CACNG2: variants seen among roughly 807,000 people sequenced by gnomAD.
The protein encoded by CACNG2 is calcium voltage-gated channel auxiliary subunit gamma 2.
Under a neutral mutation model 25.9 loss-of-function variants are expected in CACNG2, and 3 were observed. The observed-to-expected ratio is 0.12, with a 90% CI of 0.05 to 0.30. The LOEUF is 0.30. CACNG2 is among the 10% of genes least tolerant of loss of function. The probability of loss-of-function intolerance (pLI) is 1.00; values close to 1 mark genes in which losing one functional copy is unlikely to be tolerated. For missense variants in CACNG2, 341 were observed against 432.5 expected, an observed-to-expected ratio of 0.79 and a Z score of 1.88; for synonymous variants, 167 against 173.3, an observed-to-expected ratio of 0.96 and a Z score of 0.29.
intron 2 of CACNG2, among the ~76,000 whole-genome samples, chr22:36,581,122 C>T (rs748574727): frequency 3.2e-4 from 48 of 152,318 alleles, no homozygotes; most frequent in Middle Eastern, 6.8e-3. Flanking sequence ...ATGGAGGCTG[C>T]CACAGCAGAC....
chr22:36,606,423 A>G lies in CACNG2; in HGVS notation c.212-18875T>C, dbSNP rs1363751990. On this transcript the variant is annotated intron_variant, in intron 1 of 3. Coordinates refer to ENST00000300105, the MANE Select transcript of CACNG2 (RefSeq NM_006078.5). The surrounding 1 kb of genome is among the most constrained non-coding windows in gnomAD (Gnocchi z 5.7). Reference sequence around the variant, plus strand: ...ACAGAGGGGTGAAGGAACGCCTCTAAAGATTCATTGCTCGTGTAAGTGAAA... The same window carrying G: ...ACAGAGGGGTGAAGGAACGCCTCTAGAGATTCATTGCTCGTGTAAGTGAAA... 6.6e-6 allele frequency among the ~76,000 whole-genome samples: 1 copy of G among 152,166 alleles called. No homozygotes were observed. The highest frequency in any genetic ancestry group is 1.9e-4 in the East Asian group (1 of 5,196).
At chr22:36,646,573 C>T (rs910566155) in intron 1 of CACNG2, among the ~76,000 whole-genome samples, 1 of 152,140 alleles carries the variant, frequency 6.6e-6, no homozygotes, top group Non-Finnish European at 1.5e-5. Flanking sequence ...AGATAATTGC[C>T]TCCTTTATAT....
intron 1 of CACNG2, among the ~76,000 whole-genome samples, chr22:36,591,011 G>C (rs950167195): frequency 2.6e-5 from 4 of 151,602 alleles, no homozygotes; most frequent in Non-Finnish European, 5.9e-5. Context: ...TAGCTGGCTA[G>C]TGCTGGCTGC....
rs1031018552 is a variant in CACNG2, at chr22:36,576,289, CATT to C, written c.296-9799_296-9797del. Among the ~76,000 whole-genome samples the C allele has an allele frequency of 1.1e-4, 16 of 152,274 alleles. 1 individual carries two copies. Among genetic ancestry groups the C allele is most frequent in the African/African-American group, 3.8e-4 (16 of 41,564 alleles). ...AGTAACTCAGGAATGGAAAACCAAACATTATATGTTCTCACTCATAAGTGGGAG... is the reference window on the plus strand; with the variant it reads ...AGTAACTCAGGAATGGAAAACCAAACATATGTTCTCACTCATAAGTGGGAG... On this transcript the variant is annotated intron_variant, in intron 2 of 3. Transcript: ENST00000300105.
chr22:36,664,994 C>T (rs554066613), intron 1 of CACNG2, among the ~76,000 whole-genome samples: 6 of 152,110 alleles, frequency 3.9e-5, no homozygotes, highest in South Asian at 2.1e-4. Context: ...AGGAAGCTGG[C>T]GAGAGTGGGA....
intron 1 of CACNG2, among the ~76,000 whole-genome samples, chr22:36,667,146 C>T (rs1283997234): frequency 6.6e-6 from 1 of 152,132 alleles, no homozygotes; most frequent in Non-Finnish European, 1.5e-5. Context: ...CCTGCCATGA[C>T]CCGTGGCTAA....
chr22:36,577,598 C>T (rs1469456871), intron 2 of CACNG2, among the ~76,000 whole-genome samples: 4 of 148,664 alleles, frequency 2.7e-5, no homozygotes, highest in Non-Finnish European at 4.4e-5. Context: ...TGCAGTGAGC[C>T]GAGATCATGC....
intron 2 of CACNG2, among the ~76,000 whole-genome samples, chr22:36,579,863 CA>C (rs1935384007): frequency 6.6e-6 from 1 of 152,232 alleles, no homozygotes; most frequent in African/African-American, 2.4e-5. Context: ...ACCTTTGCCA[CA>C]AGGACTTTCT....
At chr22:36,593,129 A>G (rs936339759) in intron 1 of CACNG2, among the ~76,000 whole-genome samples, 3 of 152,174 alleles carry the variant, frequency 2.0e-5, no homozygotes, top group African/African-American at 7.2e-5. Context: ...GCCCCGCCCA[A>G]TGCAGGAGCC....
At chr22:36,694,928 G>A (rs1937315666) in intron 1 of CACNG2, among the ~76,000 whole-genome samples, 1 of 152,188 alleles carries the variant, frequency 6.6e-6, no homozygotes, top group South Asian at 2.1e-4. Context: ...GGCAAAGCAG[G>A]AAAAGAGCCA....
chr22:36,702,599 C>T lies in CACNG2; in HGVS notation c.-23G>A, dbSNP rs1339598467. 5.0e-6 allele frequency: 8 copies of T among 1,592,346 alleles called. No individual in the cohort carries two copies. Among genetic ancestry groups the T allele is most frequent in the South Asian group, 4.4e-5 (4 of 90,602 alleles). ...CATAATTCTTCATTATATAAACACC[C>T]AACCGACTTCTGGTTCTCGGGAGAG... On this transcript the variant is annotated 5_prime_UTR_variant, in exon 1 of 4. Coordinates refer to ENST00000300105, the MANE Select transcript of CACNG2 (RefSeq NM_006078.5).
intron 1 of CACNG2, among the ~76,000 whole-genome samples, chr22:36,609,203 G>A (rs1489404851): frequency 6.7e-6 from 1 of 148,732 alleles, no homozygotes; most frequent in African/African-American, 2.5e-5. Context: ...GATCGGGCAG[G>A]AATCAGCACC....
intron 2 of CACNG2, among the ~76,000 whole-genome samples, chr22:36,582,018 G>A (rs1935426109): frequency 6.6e-6 from 1 of 152,152 alleles, no homozygotes; most frequent in African/African-American, 2.4e-5. Flanking sequence ...AGAAAATCCT[G>A]TGTGCGGTGC....
At chr22:36,679,133 TCTCCCTTCCTTC>T (rs1453732231) in intron 1 of CACNG2, among the ~76,000 whole-genome samples, 6 of 149,214 alleles carry the variant, frequency 4.0e-5, no homozygotes, top group African/African-American at 1.5e-4. Flanking sequence ...TTTTGGATTT[TCTCCCTTCCTTC>T]CTTCCTTCCT....
At chr22:36,671,536 C>T (rs966454322) in intron 1 of CACNG2, among the ~76,000 whole-genome samples, 6 of 152,180 alleles carry the variant, frequency 3.9e-5, no homozygotes, top group East Asian at 3.8e-4. Flanking sequence ...GAGAGAGGCT[C>T]GAAACAGTTA....
Position 36,702,362 on chromosome 22 carries a change from G to A in CACNG2, c.211+4C>T. On this transcript the variant is annotated splice_donor_region_variant and intron_variant, in intron 1 of 3. Transcript: ENST00000300105. Reference sequence around the variant, plus strand: ...GAGGGGGGAGGAGATGGGAAGTCAAGTACCTTCTAGGCAGCAGGTTCTCCA... The same window carrying A: ...GAGGGGGGAGGAGATGGGAAGTCAAATACCTTCTAGGCAGCAGGTTCTCCA... The A allele has an allele frequency of 6.2e-7, 1 of 1,609,166 alleles. No homozygotes were observed. Among genetic ancestry groups the A allele is most frequent in the Admixed American group, 1.7e-5 (1 of 60,010 alleles).
chr22:36,648,431 C>T (rs568231439), intron 1 of CACNG2, among the ~76,000 whole-genome samples: 2 of 152,178 alleles, frequency 1.3e-5, no homozygotes, highest in African/African-American at 2.4e-5. Flanking sequence ...ATAAACGACC[C>T]TCTCTTGCTA....
At chr22:36,673,922 C>A (rs570473419) in intron 1 of CACNG2, among the ~76,000 whole-genome samples, 3 of 152,164 alleles carry the variant, frequency 2.0e-5, no homozygotes, top group Admixed American at 6.5e-5. Flanking sequence ...GGAGTGGGGA[C>A]GTGCCTTTAA....
intron 1 of CACNG2, among the ~76,000 whole-genome samples, chr22:36,683,505 T>G (rs1302562029): frequency 2.0e-5 from 3 of 152,206 alleles, no homozygotes; most frequent in African/African-American, 7.2e-5. Context: ...CAGCCCTTCC[T>G]AAATACCCCA....
Sources: gnomAD v4.1 joint callset for allele counts (sites outside exome capture counted in the v4.1 genomes callset) on GRCh38, gnomAD v4.1.1 for gene constraint, Gnocchi (gnomAD v3.1) non-coding constraint, MANE v1.5 for transcripts, NCBI Gene and HGNC (gene_info 2026-07-23, HGNC 2026-07-21) for gene names.